MARCHF1: variants seen among roughly 807,000 people sequenced by gnomAD.
The protein encoded by MARCHF1 is E3 ubiquitin-protein ligase MARCHF1.
A neutral mutation model predicts 54.2 loss-of-function variants in MARCHF1; 40 were observed. The observed-to-expected ratio is 0.74, with a 90% confidence interval of 0.57 to 0.96. MARCHF1 has a LOEUF of 0.96. Ranked by LOEUF, MARCHF1 falls within the 40% of genes least tolerant of loss-of-function variation. The pLI is 0.00. For synonymous variants in MARCHF1, 236 were observed against 236.3 expected, an observed-to-expected ratio of 1.00 and a Z score of 0.01; for missense variants, 586 against 656.5, an observed-to-expected ratio of 0.89 and a Z score of 1.17.
intron 1 of MARCHF1, among the ~76,000 whole-genome samples, chr4:164,362,348 C>T (rs1730745591): frequency 6.6e-6 from 1 of 151,836 alleles, no homozygotes; most frequent in Non-Finnish European, 1.5e-5. Flanking sequence ...AGTGATGTAC[C>T]CCAAACCAGA....
intron 5 of MARCHF1, among the ~76,000 whole-genome samples, chr4:163,648,663 A>G (rs1331775473): frequency 6.6e-6 from 1 of 151,684 alleles, no homozygotes; most frequent in African/African-American, 2.4e-5. Context: ...TGGAAAAAAA[A>G]AAAACAAGGA....
At chr4:163,622,150 T>C (rs1036534386) in intron 5 of MARCHF1, among the ~76,000 whole-genome samples, 2 of 152,040 alleles carry the variant, frequency 1.3e-5, no homozygotes, top group African/African-American at 2.4e-5. Context: ...TTAAAGTTAA[T>C]GTGACTTTAT....
chr4:163,990,164 A>G (rs748381360), intron 2 of MARCHF1, among the ~76,000 whole-genome samples: 151 of 152,188 alleles, frequency 9.9e-4, no homozygotes, highest in Middle Eastern at 3.2e-3. Context: ...TGAAATAAAC[A>G]TTTCAATGTA....
chr4:164,074,971 TCCAACCAATTTC>T (rs1754946710), intron 2 of MARCHF1, among the ~76,000 whole-genome samples: 1 of 152,002 alleles, frequency 6.6e-6, no homozygotes, highest in African/African-American at 2.4e-5. Context: ...TTATGTTTGG[TCCAACCAATTTC>T]CCTGTTTGTA....
At chr4:164,006,550 A>T (rs1472266153) in intron 2 of MARCHF1, among the ~76,000 whole-genome samples, 2 of 152,164 alleles carry the variant, frequency 1.3e-5, no homozygotes, top group Admixed American at 1.3e-4. Flanking sequence ...CAAAAAGTAC[A>T]AAGTTTATTC....
intron 1 of MARCHF1, among the ~76,000 whole-genome samples, chr4:164,346,609 T>TAC (rs1730109169): frequency 7.6e-4 from 1 of 1,310 alleles, no homozygotes; most frequent in Non-Finnish European, 1.8e-3. Flanking sequence ...TGTATGTATA[T>TAC]ATATATATAT....
At chr4:163,592,097 T>C (rs1295728292) in intron 7 of MARCHF1, among the ~76,000 whole-genome samples, 3 of 152,138 alleles carry the variant, frequency 2.0e-5, no homozygotes, top group Admixed American at 2.0e-4. Context: ...TAAGCCATCA[T>C]TCAGCCTGAG....
chr4:163,531,760 C>CA (rs1461724809), intron 9 of MARCHF1, among the ~76,000 whole-genome samples: 1 of 151,354 alleles, frequency 6.6e-6, no homozygotes, highest in African/African-American at 2.4e-5. Flanking sequence ...TACAAAAAGT[C>CA]AATTGCTTTC....
At chr4:164,039,282 C>T (rs146582922) in intron 2 of MARCHF1, among the ~76,000 whole-genome samples, 2 of 152,288 alleles carry the variant, frequency 1.3e-5, no homozygotes, top group South Asian at 4.1e-4. Flanking sequence ...TGGTGTAGAA[C>T]TTGACACTCC....
At chr4:163,956,447 A>G (rs532174216) in intron 3 of MARCHF1, among the ~76,000 whole-genome samples, 60 of 152,242 alleles carry the variant, frequency 3.9e-4, no homozygotes, top group African/African-American at 1.4e-3. Context: ...TTGTCCGAAT[A>G]TCACAATTTC....
Position 164,079,638 on chromosome 4 carries a change from G to C in MARCHF1, c.-248+31950C>G, listed in dbSNP as rs1489616236. On this transcript the variant is annotated intron_variant, in intron 2 of 9. Coordinates refer to ENST00000514618, the MANE Select transcript of MARCHF1 (RefSeq NM_001394959.1). ...GTATAGCAGTTGAATGAATAATCTA[G>C]TCTAGAAGTTTCCTAGGTATTTATA... is the stretch of plus-strand genomic sequence containing the variant. 2.0e-5 allele frequency among the ~76,000 whole-genome samples: 3 copies of C among 152,088 alleles called. No homozygotes were observed. The East Asian group carries it at 5.8e-4, about 29-fold the overall frequency.
In MARCHF1 at chr4:164,282,902, A is replaced by G. The variant is rs1734060365; in HGVS notation, c.-323+100968T>C. ...GACATTAGAAGAAAGGAGATCCAGT[A>G]TATCTATCAAGCACTTATAAATGAC... On this transcript the variant is annotated intron_variant, in intron 1 of 9. Transcript: ENST00000514618. Among the ~76,000 whole-genome samples the G allele has an allele frequency of 1.3e-5, 2 of 151,284 alleles. 1 individual carries two copies. Among genetic ancestry groups the G allele is most frequent in the Admixed American group, 1.3e-4 (2 of 14,940 alleles).
At chr4:163,562,590 C>T (rs78807722) in intron 8 of MARCHF1, among the ~76,000 whole-genome samples, 1 of 152,176 alleles carries the variant, frequency 6.6e-6, no homozygotes, top group South Asian at 2.1e-4. Flanking sequence ...TCTCATCACA[C>T]TCTCCCAATC....
intron 4 of MARCHF1, among the ~76,000 whole-genome samples, chr4:163,811,772 G>A (rs1263630017): frequency 6.6e-6 from 1 of 152,034 alleles, no homozygotes; most frequent in Admixed American, 6.6e-5. Context: ...AGGCCCTGTG[G>A]GTTACATAGA....
chr4:163,800,140 G>T, intron 4 of MARCHF1, among the ~76,000 whole-genome samples: 1 of 151,980 alleles, frequency 6.6e-6, no homozygotes, highest in South Asian at 2.1e-4. Context: ...TACTAGGGCT[G>T]GGAACAAGGG....
chr4:163,883,530 G>A (rs532824654), intron 3 of MARCHF1, among the ~76,000 whole-genome samples: 2 of 152,176 alleles, frequency 1.3e-5, no homozygotes, highest in East Asian at 3.9e-4. Flanking sequence ...TGTACAATGT[G>A]TGAAGAGTAC....
At chr4:164,189,134 T>G (rs1406079762) in intron 1 of MARCHF1, 8 of 641,694 alleles carry the variant, frequency 1.2e-5, no homozygotes, top group African/African-American at 9.0e-5. Flanking sequence ...GATACTCATC[T>G]GCGTGCAGAA....
intron 1 of MARCHF1, among the ~76,000 whole-genome samples, chr4:164,346,756 T>C (rs1013365053): frequency 4.0e-5 from 6 of 151,326 alleles, no homozygotes; most frequent in Non-Finnish European, 7.4e-5. Context: ...AATGGCTTTA[T>C]TGTGCAGCAC....
chr4:163,589,634 T>C (rs1248905798), intron 7 of MARCHF1, among the ~76,000 whole-genome samples: 3 of 152,080 alleles, frequency 2.0e-5, no homozygotes, highest in African/African-American at 7.2e-5. Context: ...ATTGATATAC[T>C]TCACACAAAT....
Sources: allele counts gnomAD v4.1 joint callset (sites outside exome capture counted in the v4.1 genomes callset), GRCh38; gene constraint gnomAD v4.1.1; transcripts MANE v1.5; gene names NCBI Gene and HGNC (gene_info 2026-07-23, HGNC 2026-07-21).